CHIC2: variants seen among roughly 807,000 people sequenced by gnomAD.
CHIC2 encodes the protein cysteine-rich hydrophobic domain-containing protein 2.
CHIC2 carries 14 observed loss-of-function variants against 25.9 expected under a neutral mutation model. That is an observed-to-expected ratio of 0.54 (90% confidence interval 0.36 to 0.85). CHIC2 has a LOEUF of 0.85. CHIC2 is among the 40% of genes least tolerant of loss of function. CHIC2 has a pLI of 0.01. For missense variants in CHIC2, 146 were observed against 202.0 expected (o/e 0.72, Z 1.68); for synonymous variants, 70 against 72.0 (o/e 0.97, Z 0.14).
the CHIC2 span, among the ~76,000 whole-genome samples, chr4:54,076,292 A>T: frequency 6.6e-6 from 1 of 152,102 alleles, no homozygotes; most frequent in South Asian, 2.1e-4. Flanking sequence ...TCTCAAAAAA[A>T]AAATTAATTA....
chr4:54,066,959 A>T (rs1011642654), upstream of CHIC2, among the ~76,000 whole-genome samples: 1 of 152,234 alleles, frequency 6.6e-6, no homozygotes, highest in Non-Finnish European at 1.5e-5. Context: ...AAATCATCAC[A>T]TAGCTGACAA....
At chr4:54,052,369 T>C (rs189991191) in intron 1 of CHIC2, among the ~76,000 whole-genome samples, 2 of 152,302 alleles carry the variant, frequency 1.3e-5, no homozygotes, top group African/African-American at 4.8e-5. Flanking sequence ...ATGGCATCTA[T>C]GTTTTGTTTT....
upstream of CHIC2, among the ~76,000 whole-genome samples, chr4:54,067,660 T>C (rs919993415): frequency 6.6e-6 from 1 of 152,196 alleles, no homozygotes; most frequent in Non-Finnish European, 1.5e-5. Flanking sequence ...TATTTTCATA[T>C]TTACCTTTAG....
chr4:54,061,308 T>G (rs1212335772), intron 1 of CHIC2: 1 of 152,054 alleles, frequency 6.6e-6, no homozygotes, highest in Non-Finnish European at 1.5e-5. Flanking sequence ...AGAATACCAG[T>G]TTCTAAAATA....
chr4:54,087,555 T>G, the CHIC2 span: 7 of 1,149,804 alleles, frequency 6.1e-6, no homozygotes, highest in African/African-American at 1.1e-4. Context: ...GAAATCCTCT[T>G]GGCTCACCCT....
chr4:54,015,555 T>C (rs912753265), intron 3 of CHIC2, among the ~76,000 whole-genome samples: 2 of 152,118 alleles, frequency 1.3e-5, no homozygotes, highest in Non-Finnish European at 2.9e-5. Context: ...GGTCGTTTTG[T>C]CCCTTGTCTA....
intron 3 of CHIC2, among the ~76,000 whole-genome samples, chr4:54,043,420 CAAAAAAAAAA>C (rs902677237): frequency 5.4e-5 from 3 of 55,894 alleles, no homozygotes; most frequent in East Asian, 5.8e-4. Flanking sequence ...GACTCCATTT[CAAAAAAAAAA>C]AAAAAAAAAG....
chr4:54,035,467 T>C (rs1451327979), intron 3 of CHIC2, among the ~76,000 whole-genome samples: 2 of 152,150 alleles, frequency 1.3e-5, no homozygotes, highest in East Asian at 1.9e-4. Context: ...AGCTTTACAG[T>C]TTTTGTTTTT....
the CHIC2 span, among the ~76,000 whole-genome samples, chr4:54,083,782 T>C: frequency 6.6e-6 from 1 of 152,226 alleles, no homozygotes; most frequent in Non-Finnish European, 1.5e-5. Flanking sequence ...TTTACAATGA[T>C]TACAATATAA....
the CHIC2 span, among the ~76,000 whole-genome samples, chr4:54,076,061 A>G: frequency 5.3e-5 from 8 of 151,994 alleles, no homozygotes; most frequent in Non-Finnish European, 1.2e-4. Context: ...CTGAGGCAGG[A>G]GGTTTGCTTG....
upstream of CHIC2, among the ~76,000 whole-genome samples, chr4:54,066,491 A>G (rs1028760782): frequency 1.3e-5 from 2 of 152,300 alleles, no homozygotes; most frequent in South Asian, 4.1e-4. Context: ...ATTTATTTTC[A>G]GATATGCTAT....
chr4:54,038,847 C>T (rs1560389995), intron 3 of CHIC2, among the ~76,000 whole-genome samples: 1 of 152,028 alleles, frequency 6.6e-6, no homozygotes, highest in African/African-American at 2.4e-5. Flanking sequence ...CACAGCAAGA[C>T]CCTGTCTCCT....
upstream of CHIC2, among the ~76,000 whole-genome samples, chr4:54,066,168 C>T (rs890998081): frequency 6.6e-6 from 1 of 152,182 alleles, no homozygotes; most frequent in Non-Finnish European, 1.5e-5. Context: ...TGTTCTGGAA[C>T]CTGACTACCT....
chr4:54,078,106 A>T, the CHIC2 span, among the ~76,000 whole-genome samples: 1 of 152,196 alleles, frequency 6.6e-6, no homozygotes, highest in Non-Finnish European at 1.5e-5. Context: ...CACATGTGGG[A>T]TTCTATAATT....
chr4:54,064,666 C>T, upstream of CHIC2: 4 of 1,037,434 alleles, frequency 3.9e-6, no homozygotes, highest in Non-Finnish European at 4.6e-6. This position sits in a 1 kb window ranked among gnomAD's most constrained non-coding sequence, Gnocchi z 4.2. Flanking sequence ...CGAGACTTCC[C>T]GGGCCAACGG....
chr4:54,043,070 A>G (rs750960668), intron 3 of CHIC2, among the ~76,000 whole-genome samples: 1 of 151,982 alleles, frequency 6.6e-6, no homozygotes, highest in Non-Finnish European at 1.5e-5. Context: ...CAGCACTTAG[A>G]GAGGCCAAGG....
At chr4:54,033,015 C>T (rs1160099812) in intron 3 of CHIC2, among the ~76,000 whole-genome samples, 2 of 152,184 alleles carry the variant, frequency 1.3e-5, no homozygotes, top group East Asian at 3.8e-4. Flanking sequence ...CTCCCAACCC[C>T]CTTGCTCCTG....
At chr4:54,029,052 G>A (rs1362445714) in intron 3 of CHIC2, among the ~76,000 whole-genome samples, 1 of 151,908 alleles carries the variant, frequency 6.6e-6, no homozygotes, top group Non-Finnish European at 1.5e-5. Flanking sequence ...GAACTGGGGA[G>A]GTGGAGATTG....
rs535251143 is a variant in CHIC2, at chr4:54,063,732, C to T, written c.119+450G>A. On this transcript the variant is annotated intron_variant, in intron 1 of 5. Coordinates refer to ENST00000263921, the MANE Select transcript of CHIC2 (RefSeq NM_012110.4). ...CCTGTGGGTATGTGTGAAATAGACA[C>T]GAAACGGAGCTTCGCTGCCAATTGT... is the stretch of plus-strand genomic sequence containing the variant. Among the ~76,000 whole-genome samples the T allele has an allele frequency of 3.3e-5, 5 of 152,360 alleles. No homozygotes were observed. In the South Asian group the frequency reaches 1.0e-3, roughly 32 times the overall value.
Sources: gnomAD v4.1 joint callset for allele counts (sites outside exome capture counted in the v4.1 genomes callset) on GRCh38, gnomAD v4.1.1 for gene constraint, Gnocchi (gnomAD v3.1) non-coding constraint, MANE v1.5 for transcripts, NCBI Gene and HGNC (gene_info 2026-07-23, HGNC 2026-07-21) for gene names.